Variants in PHC3 observed in about 807,000 individuals in gnomAD.
PHC3 encodes the protein polyhomeotic homolog 3.
In PHC3, 13 loss-of-function variants were observed where a neutral mutation model predicts 107.4. The observed-to-expected ratio is 0.12, with a 90% CI of 0.08 to 0.19. The LOEUF (loss-of-function observed/expected upper bound fraction) is 0.19. Among genes scored for constraint, PHC3 ranks in the 10% least tolerant of loss-of-function variants. PHC3 has a pLI of 1.00. For synonymous variants in PHC3, 456 were observed against 427.4 expected (o/e 1.07, Z -0.83); for missense variants, 992 against 1,210.9 (o/e 0.82, Z 2.68).
At chr3:170,177,753 C>T (rs1314425314) in intron 2 of PHC3, among the ~76,000 whole-genome samples, 1 of 150,678 alleles carries the variant, frequency 6.6e-6, no homozygotes, top group Non-Finnish European at 1.5e-5. Context: ...TCATTGCAGC[C>T]TTGACCTCCT....
At chr3:170,179,865 C>T (rs1234756816) in intron 1 of PHC3, among the ~76,000 whole-genome samples, 1 of 152,100 alleles carries the variant, frequency 6.6e-6, no homozygotes, top group Non-Finnish European at 1.5e-5. Flanking sequence ...AAATGTACCT[C>T]GAAGGTGAAA....
intron 8 of PHC3, among the ~76,000 whole-genome samples, chr3:170,128,133 CTAGAA>C (rs1721653130): frequency 6.6e-6 from 1 of 152,040 alleles, no homozygotes. Flanking sequence ...GGACTCTCTC[CTAGAA>C]TAATTTTTTT....
At chr3:170,100,435 C>T (rs1247489057) in intron 14 of PHC3, among the ~76,000 whole-genome samples, 3 of 152,102 alleles carry the variant, frequency 2.0e-5, no homozygotes, top group Non-Finnish European at 4.4e-5. Context: ...AAAGGTGATA[C>T]AACTAATCAC....
At chr3:170,154,686 G>A (rs1726607499) in intron 4 of PHC3, among the ~76,000 whole-genome samples, 1 of 152,142 alleles carries the variant, frequency 6.6e-6, no homozygotes, top group African/African-American at 2.4e-5. Context: ...TCTACTCTAA[G>A]TTGTGAGATC....
chr3:170,174,162 C>T (rs1186043378), intron 2 of PHC3, among the ~76,000 whole-genome samples: 6 of 151,636 alleles, frequency 4.0e-5, no homozygotes, highest in African/African-American at 1.5e-4. Context: ...CACTGCACTC[C>T]AGCCTAGACG....
At chr3:170,128,276 C>A in intron 8 of PHC3, 1 of 1,016,610 alleles carries the variant, frequency 9.8e-7, no homozygotes. Flanking sequence ...AAGGGTTAGG[C>A]TAGATAAACC....
rs1343971990 is a variant in PHC3 at position 170,151,384 on chromosome 3, T to C, written c.415-2140A>G. Among the ~76,000 whole-genome samples the C allele has an allele frequency of 2.0e-5, 3 of 152,258 alleles. No homozygotes were observed. The East Asian group carries it at 5.8e-4, about 29-fold the overall frequency. On this transcript the variant is annotated intron_variant, in intron 4 of 14. Transcript: ENST00000495893. Reference sequence around the variant, plus strand: ...AAGGCAGACTGGACTAATACATCCATGTGACCAAACGGTATCACTGAAATG... The same window carrying C: ...AAGGCAGACTGGACTAATACATCCACGTGACCAAACGGTATCACTGAAATG...
In PHC3 at chr3:170,117,331, G is replaced by T. The variant is rs2108376743; in HGVS notation, c.2088C>A (p.Ser696Arg). The change falls in exon 10 of 15, where the codon AGC becomes AGA. Residue 696 changes from serine to arginine, a missense_variant. Ser to Arg is a moderately radical substitution (Grantham distance 110). This residue lies in a region of PHC3 where 543 missense variants were observed against 590.8 expected (regional missense o/e 0.92). Transcript: ENST00000495893. The stretch of plus-strand genomic sequence containing the variant: ...GAGGTTTGTTCTCTATACTGGGAAT[G>T]CTACTGTGCATAGATGTACTGTTAC... Reference protein sequence around the residue: ...TRSNSTSMHSSIPSIENKPPQ... With the variant: ...TRSNSTSMHSRIPSIENKPPQ... 1 of 1,613,970 alleles carries T rather than the reference G, an allele frequency of 6.2e-7. No homozygotes were observed. The highest frequency in any genetic ancestry group is 1.1e-5 in the South Asian group (1 of 91,076).
chr3:170,128,122 T>A (rs944386197), intron 8 of PHC3, among the ~76,000 whole-genome samples: 62 of 152,290 alleles, frequency 4.1e-4, no homozygotes, highest in African/African-American at 1.3e-3. Flanking sequence ...TTGGCAAAGC[T>A]GGACTCTCTC....
intron 4 of PHC3, among the ~76,000 whole-genome samples, chr3:170,150,860 C>A (rs1232755724): frequency 4.6e-5 from 7 of 152,012 alleles, no homozygotes; most frequent in African/African-American, 1.7e-4. Flanking sequence ...AAAAAGCATA[C>A]TCTTTTTTTT....
At chr3:170,142,257 T>C (rs1460440564) in intron 6 of PHC3, among the ~76,000 whole-genome samples, 1 of 152,174 alleles carries the variant, frequency 6.6e-6, no homozygotes, top group Non-Finnish European at 1.5e-5. Flanking sequence ...TTATTTTATT[T>C]TATATAATTG....
rs1723117096 is a variant in PHC3, at chr3:170,136,639, C to G, written c.699G>C (p.Gln233His). ...TQVQNLTLRS[Q>H]KLGVLSSSQN... is the part of the protein sequence containing the mutation. ...GTGAGCTAGATAATACACCCAACTTCTGGCTGCGTAATGTTAAATTCTGAA... is the reference window on the plus strand; with the variant it reads ...GTGAGCTAGATAATACACCCAACTTGTGGCTGCGTAATGTTAAATTCTGAA... The change falls in exon 7 of 15, where the codon CAG (glutamine) becomes CAC (histidine). Residue 233 changes from glutamine to histidine, a missense_variant. This residue lies in a region of PHC3 where 543 missense variants were observed against 590.8 expected (regional missense o/e 0.92). Transcript: ENST00000495893. 1 of 1,613,676 alleles carries G rather than the reference C, an allele frequency of 6.2e-7. No individual in the cohort carries two copies. The highest frequency in any genetic ancestry group is 8.5e-7 in the Non-Finnish European group (1 of 1,179,748).
chr3:170,175,283 T>A (rs1241426012), intron 2 of PHC3, among the ~76,000 whole-genome samples: 1 of 152,116 alleles, frequency 6.6e-6, no homozygotes, highest in African/African-American at 2.4e-5. Flanking sequence ...CATCTACATA[T>A]CTTTCTATTA....
At chr3:170,126,522 ATATATATTT>A (rs1447819777) in intron 8 of PHC3, among the ~76,000 whole-genome samples, 6 of 80,760 alleles carry the variant, frequency 7.4e-5, no homozygotes, top group African/African-American at 1.5e-4. Flanking sequence ...ATATATATAT[ATATATATTT>A]TTTTTTTTTT....
At chr3:170,161,920 C>T (rs1367110416) in intron 4 of PHC3, among the ~76,000 whole-genome samples, 1 of 152,192 alleles carries the variant, frequency 6.6e-6, no homozygotes, top group African/African-American at 2.4e-5. Flanking sequence ...ATCTCTAATA[C>T]AGTCACATCA....
intron 3 of PHC3, among the ~76,000 whole-genome samples, chr3:170,172,137 A>AT (rs1729689649): frequency 6.6e-6 from 1 of 152,172 alleles, no homozygotes; most frequent in Non-Finnish European, 1.5e-5. Flanking sequence ...GGAAACAGTG[A>AT]TAGACAGGGA....
intron 14 of PHC3, among the ~76,000 whole-genome samples, chr3:170,099,699 T>C (rs1715169796): frequency 6.6e-6 from 1 of 151,950 alleles, no homozygotes; most frequent in African/African-American, 2.4e-5. Flanking sequence ...CCAGCTAAAC[T>C]CAAAATAAAA....
At chr3:170,166,011 A>T in intron 4 of PHC3, among the ~76,000 whole-genome samples, 1 of 150,796 alleles carries the variant, frequency 6.6e-6, no homozygotes, top group Non-Finnish European at 1.5e-5. Context: ...CCCCAAAGAA[A>T]CAGAATATAT....
rs1209951554 is a variant in PHC3 at position 170,122,758 on chromosome 3, C to T, written c.1789-14G>A. The T allele has an allele frequency of 1.2e-6, 2 of 1,612,804 alleles. No individual in the cohort carries two copies. The highest frequency in any genetic ancestry group is 2.2e-5 in the East Asian group (1 of 44,838). On this transcript the variant is annotated splice_polypyrimidine_tract_variant and intron_variant, in intron 8 of 14. Transcript: ENST00000495893. ...TACCTGATAAACCTGCAATGACAAA[C>T]CATACTGCCTTAAAATGTTTCCAAA...
Sources: gnomAD v4.1 joint callset for allele counts (sites outside exome capture counted in the v4.1 genomes callset) on GRCh38, gnomAD v4.1.1 for gene constraint, gnomAD v4.1.1 regional missense constraint, MANE v1.5 for transcripts, NCBI Gene and HGNC (gene_info 2026-07-23, HGNC 2026-07-21) for gene names.